Variants in PCDHGA3 observed in about 807,000 individuals in gnomAD.
The protein encoded by PCDHGA3 is protocadherin gamma subfamily A, 3, also known as protocadherin gamma-A3.
A neutral mutation model predicts 58.5 loss-of-function variants in PCDHGA3; 40 were observed. The observed-to-expected ratio is 0.68, with a 90% CI of 0.53 to 0.89. The LOEUF (loss-of-function observed/expected upper bound fraction) is 0.89, where lower values mean the gene tolerates loss of function less well. Among genes scored for constraint, PCDHGA3 ranks in the 40% least tolerant of loss-of-function variants. The probability of loss-of-function intolerance (pLI) is 0.00; values close to 1 mark genes in which losing one functional copy is unlikely to be tolerated. For missense variants in PCDHGA3, 1,223 were observed against 1,195.9 expected, an observed-to-expected ratio of 1.02 and a Z score of -0.33; for synonymous variants, 530 against 525.7, an observed-to-expected ratio of 1.01 and a Z score of -0.11.
intron 1 of PCDHGA3, chr5:141,370,363 G>A: frequency 1.3e-6 from 2 of 1,518,634 alleles, no homozygotes; most frequent in South Asian, 1.3e-5. Context: ...TCCTCTCCTC[G>A]GATTTAGAAA....
chr5:141,371,081 G>T, intron 1 of PCDHGA3: 11 of 1,613,852 alleles, frequency 6.8e-6, no homozygotes, highest in Non-Finnish European at 9.3e-6. Context: ...CCCAGATCAG[G>T]GTAATTGTCG....
chr5:141,511,147 A>T lies in PCDHGA3; in HGVS notation c.2773A>T (p.Lys925Ter). The change falls in exon 4 of 4, where the codon AAG becomes TAG. Residue 925 changes from lysine to a stop codon, truncating the protein, a stop_gained. Coordinates refer to ENST00000253812, the MANE Select transcript of PCDHGA3 (RefSeq NM_018916.4). LOFTEE classifies it high-confidence loss of function. Reference sequence around the variant, plus strand: ...AGCAGGTGGCAATGGCAACAAGAAGAAGTCGGGCAAGAAGGAGAAGAAGTA... The same window carrying T: ...AGCAGGTGGCAATGGCAACAAGAAGTAGTCGGGCAAGAAGGAGAAGAAGTA... The part of the protein sequence containing the change: ...APAGGNGNKK[K>*]SGKKEKK 1 of 1,614,188 alleles carries T rather than the reference A, an allele frequency of 6.2e-7. No homozygotes were observed. Among genetic ancestry groups the T allele is most frequent in the East Asian group, 2.2e-5 (1 of 44,876 alleles).
intron 1 of PCDHGA3, chr5:141,387,603 C>G (rs905416609): frequency 1.8e-6 from 1 of 544,680 alleles, no homozygotes; most frequent in African/African-American, 1.9e-5. Context: ...GCAGCAGAGG[C>G]TGTAGTTTCC....
At chr5:141,450,004 C>CTTTAT (rs2098662217) in intron 1 of PCDHGA3, among the ~76,000 whole-genome samples, 1 of 75,148 alleles carries the variant, frequency 1.3e-5, no homozygotes, top group Non-Finnish European at 2.3e-5. Flanking sequence ...GTTGCCATGT[C>CTTTAT]TCTTTTTTTT....
Position 141,464,191 on chromosome 5 carries a change from G to C in PCDHGA3, c.2425-30616G>C, listed in dbSNP as rs185888723. Among the ~76,000 whole-genome samples, 583 of 151,818 alleles carry C rather than the reference G, an allele frequency of 3.8e-3. 6 individuals are homozygous for C. Among genetic ancestry groups the C allele is most frequent in the Admixed American group, 0.011 (166 of 15,202 alleles). On this transcript the variant is annotated intron_variant, in intron 1 of 3. Transcript: ENST00000253812. ...GAGGCAGGAGAATTGCTTGATTTCA[G>C]GAGGCGGAGATTGCAGTGAGCTGAG...
chr5:141,406,079 T>C (rs570702423), intron 1 of PCDHGA3, among the ~76,000 whole-genome samples: 2 of 151,808 alleles, frequency 1.3e-5, no homozygotes, highest in South Asian at 2.1e-4. Context: ...CTCCTTTTTT[T>C]TTTTTTTTAA....
intron 1 of PCDHGA3, chr5:141,409,951 G>T: frequency 6.2e-7 from 1 of 1,613,374 alleles, no homozygotes; most frequent in Non-Finnish European, 8.5e-7. Context: ...GCTCTGCAGA[G>T]CCCGGCTACC....
At chr5:141,449,436 A>T (rs1177598228) in intron 1 of PCDHGA3, among the ~76,000 whole-genome samples, 1 of 151,792 alleles carries the variant, frequency 6.6e-6, no homozygotes, top group African/African-American at 2.4e-5. Flanking sequence ...ATAAAACTCC[A>T]TCTCTACTAA....
At chr5:141,441,734 G>GAT in intron 1 of PCDHGA3, 1 of 364,808 alleles carries the variant, frequency 2.7e-6, no homozygotes, top group South Asian at 2.2e-5. Context: ...ACCAGGACTA[G>GAT]CTCGCGCTCG....
intron 1 of PCDHGA3, chr5:141,395,553 TG>T: frequency 1.2e-5 from 1 of 84,110 alleles, no homozygotes; most frequent in Non-Finnish European, 2.1e-5. Context: ...TGTGTGTGTG[TG>T]TGTGTGTGTG....
chr5:141,377,666 T>C (rs1416026384), intron 1 of PCDHGA3: 1 of 152,116 alleles, frequency 6.6e-6, no homozygotes, highest in Admixed American at 6.5e-5. Context: ...ACGACAGACG[T>C]TCATACAAGA....
Position 141,510,980 on chromosome 5 carries a change from G to C in PCDHGA3, c.2606G>C (p.Gly869Ala), listed in dbSNP as rs1466168256. 12 of 1,614,170 alleles carry C rather than the reference G, an allele frequency of 7.4e-6. No individual in the cohort carries two copies. The highest frequency in any genetic ancestry group is 9.3e-6 in the Non-Finnish European group (11 of 1,180,014). ...AADGSSTLGG[G>A]AGTMGLSARY... ...GATGGGAGCTCCACCCTGGGAGGGG[G>C]TGCCGGCACCATGGGATTGAGCGCC... is the stretch of plus-strand genomic sequence containing the variant. Residue 869 changes from glycine (G) to alanine (A), a missense_variant, in exon 4 of 4, where the codon GGT becomes GCT. By Grantham distance (60) the Gly-to-Ala change is moderately conservative (BLOSUM62 0). This residue lies in a region of PCDHGA3 where 325 missense variants were observed against 327.5 expected (regional missense o/e 0.99). Transcript: ENST00000253812.
chr5:141,496,083 C>T (rs1267834920), intron 2 of PCDHGA3, among the ~76,000 whole-genome samples: 8 of 151,904 alleles, frequency 5.3e-5, no homozygotes, highest in Admixed American at 3.3e-4. Flanking sequence ...CAACCCCCCA[C>T]CCACCACCCA....
chr5:141,409,230 A>G, intron 1 of PCDHGA3: 1 of 1,614,024 alleles, frequency 6.2e-7, no homozygotes. Context: ...GAAAACGACA[A>G]CAGCCCAGAA....
At chr5:141,370,783 C>G in intron 1 of PCDHGA3, 2 of 1,614,010 alleles carry the variant, frequency 1.2e-6, no homozygotes, top group African/African-American at 1.3e-5. Flanking sequence ...AACGACAACC[C>G]ACCGACCTTT....
chr5:141,467,042 G>T (rs2099134710), intron 1 of PCDHGA3, among the ~76,000 whole-genome samples: 1 of 149,884 alleles, frequency 6.7e-6, no homozygotes. Context: ...TTTGTGTAAT[G>T]AATCAATGTT....
At chr5:141,423,563 C>G (rs745802952) in intron 1 of PCDHGA3, 3 of 1,613,550 alleles carry the variant, frequency 1.9e-6, no homozygotes, top group Admixed American at 1.7e-5. Flanking sequence ...TATGGGGACA[C>G]GCTCATCAGC....
intron 1 of PCDHGA3, chr5:141,366,577 C>A (rs376647678): frequency 1.2e-6 from 2 of 1,614,118 alleles, no homozygotes; most frequent in African/African-American, 2.7e-5. Context: ...TTCGGGCTTT[C>A]CTGCAGACCT....
In PCDHGA3 at chr5:141,360,972, C is replaced by T. The variant is rs746958816; in HGVS notation, c.2424+14515C>T. On this transcript the variant is annotated intron_variant, in intron 1 of 3. Coordinates refer to ENST00000253812, the MANE Select transcript of PCDHGA3 (RefSeq NM_018916.4). The stretch of plus-strand genomic sequence containing the variant: ...AAGGCATAAACGCAGAGATCACCTA[C>T]TCCTTTCATAATGTGGACGAACAAG... 1.1e-5 allele frequency: 18 copies of T among 1,613,750 alleles called. No individual in the cohort carries two copies. In the East Asian group the frequency reaches 3.1e-4, roughly 28 times the overall value.
Sources: gnomAD v4.1 joint callset for allele counts (sites outside exome capture counted in the v4.1 genomes callset) on GRCh38, gnomAD v4.1.1 for gene constraint, gnomAD v4.1.1 regional missense constraint, MANE v1.5 for transcripts, NCBI Gene and HGNC (gene_info 2026-07-23, HGNC 2026-07-21) for gene names.